Variants in LYZL4 observed in about 807,000 individuals in gnomAD.
LYZL4 encodes the protein lysozyme like 4.
LYZL4 carries 13 observed loss-of-function variants against 17.6 expected under a neutral mutation model. The ratio of observed to expected loss-of-function variants is 0.74; its 90% CI spans 0.48 to 1.18. The LOEUF (loss-of-function observed/expected upper bound fraction) is 1.18, where lower values mean the gene tolerates loss of function less well. Among genes scored for constraint, LYZL4 ranks in the 50% most tolerant of loss-of-function variants. The pLI, the probability that LYZL4 is intolerant of heterozygous loss-of-function variation, is 0.00. For missense variants in LYZL4, 174 were observed against 188.2 expected (o/e 0.92, Z 0.44); for synonymous variants, 64 against 67.7 (o/e 0.95, Z 0.27).
chr3:42,363,478 T>C, the LYZL4 span, among the ~76,000 whole-genome samples: 2 of 152,182 alleles, frequency 1.3e-5, no homozygotes, highest in Non-Finnish European at 1.5e-5. Flanking sequence ...ATAAATCAAA[T>C]ATAGACAGTG....
chr3:42,391,896 A>T, the LYZL4 span, among the ~76,000 whole-genome samples: 4 of 149,620 alleles, frequency 2.7e-5, no homozygotes, highest in Non-Finnish European at 5.9e-5. Flanking sequence ...TTTTTCTGAG[A>T]TGGAGTCTCA....
intron 4 of LYZL4, among the ~76,000 whole-genome samples, chr3:42,400,246 G>A (rs1348206112): frequency 6.6e-6 from 1 of 152,106 alleles, no homozygotes; most frequent in East Asian, 1.9e-4. Context: ...CAGAAACCTT[G>A]AGTTTGGACT....
chr3:42,407,627 T>A (rs1398094138), intron 1 of LYZL4: 1 of 191,818 alleles, frequency 5.2e-6, no homozygotes, highest in Non-Finnish European at 1.1e-5. Flanking sequence ...ATACAGATGC[T>A]CAAGACCTTT....
chr3:42,364,397 C>T, the LYZL4 span, among the ~76,000 whole-genome samples: 1 of 139,032 alleles, frequency 7.2e-6, no homozygotes, highest in African/African-American at 2.8e-5. Flanking sequence ...GGCTGGAGTG[C>T]AGTGGCACGA....
chr3:42,408,331 A>T (rs1019957798), intron 1 of LYZL4, among the ~76,000 whole-genome samples: 2 of 152,138 alleles, frequency 1.3e-5, no homozygotes, highest in Non-Finnish European at 2.9e-5. Context: ...CAGAATTCTC[A>T]TGGCACTCCC....
At chr3:42,374,115 G>T in the LYZL4 span, among the ~76,000 whole-genome samples, 2 of 152,146 alleles carry the variant, frequency 1.3e-5, no homozygotes, top group Admixed American at 6.5e-5. Flanking sequence ...TCTCAGTATT[G>T]CTATTTTAGC....
chr3:42,374,603 A>T, the LYZL4 span, among the ~76,000 whole-genome samples: 1 of 152,142 alleles, frequency 6.6e-6, no homozygotes, highest in Non-Finnish European at 1.5e-5. Context: ...CAGGATTTCT[A>T]GCTGTTTTTG....
chr3:42,393,186 G>A (rs1222051998), downstream of LYZL4, among the ~76,000 whole-genome samples: 3 of 152,128 alleles, frequency 2.0e-5, no homozygotes, highest in Non-Finnish European at 4.4e-5. Context: ...AAGTGTGCAG[G>A]GTTTGAAATA....
At chr3:42,392,068 C>T in the LYZL4 span, among the ~76,000 whole-genome samples, 2 of 152,072 alleles carry the variant, frequency 1.3e-5, no homozygotes, top group South Asian at 2.1e-4. Context: ...GACAGGGTTT[C>T]GCCATGTTGC....
At chr3:42,387,450 T>C in the LYZL4 span, among the ~76,000 whole-genome samples, 1 of 152,160 alleles carries the variant, frequency 6.6e-6, no homozygotes, top group Admixed American at 6.5e-5. Context: ...CAGTAACAGT[T>C]TGACTTCTGT....
the LYZL4 span, among the ~76,000 whole-genome samples, chr3:42,370,338 G>A: frequency 7.1e-6 from 1 of 141,584 alleles, no homozygotes; most frequent in East Asian, 2.1e-4. Flanking sequence ...TCTTTCTCCA[G>A]GACATGCCCT....
chr3:42,363,938 G>A, the LYZL4 span, among the ~76,000 whole-genome samples: 1 of 152,190 alleles, frequency 6.6e-6, no homozygotes. Context: ...GAAGGTATAG[G>A]AAAACAGCTC....
intron 3 of LYZL4, among the ~76,000 whole-genome samples, chr3:42,405,340 G>C (rs191372291): frequency 5.3e-5 from 8 of 152,148 alleles, no homozygotes; most frequent in Non-Finnish European, 1.2e-4. Flanking sequence ...GAGCCGCCGC[G>C]CCTGGCCGCT....
chr3:42,386,404 C>A, the LYZL4 span, among the ~76,000 whole-genome samples: 228 of 132,632 alleles, frequency 1.7e-3, 15 homozygotes, highest in Middle Eastern at 0.011. Flanking sequence ...CGCCCCCCCC[C>A]CCCCCCCCGC....
chr3:42,398,104 C>T (rs1276404321), intron 4 of LYZL4, among the ~76,000 whole-genome samples: 3 of 152,176 alleles, frequency 2.0e-5, no homozygotes, highest in African/African-American at 7.2e-5. Flanking sequence ...CTCATAGTTA[C>T]AGAGTGGCAG....
chr3:42,368,130 C>G, the LYZL4 span, among the ~76,000 whole-genome samples: 1 of 152,214 alleles, frequency 6.6e-6, no homozygotes. Context: ...GACACTCTTT[C>G]TTAACCATTA....
chr3:42,407,787 G>A lies in LYZL4; in HGVS notation c.-92-444C>T, dbSNP rs921180241. 1.3e-4 allele frequency among the ~76,000 whole-genome samples: 19 copies of A among 151,270 alleles called. No homozygotes were observed. In the South Asian group the frequency reaches 2.1e-3, roughly 17 times the overall value. On this transcript the variant is annotated intron_variant, in intron 1 of 4. Coordinates refer to ENST00000287748, the MANE Select transcript of LYZL4 (RefSeq NM_144634.4). The stretch of plus-strand genomic sequence containing the variant: ...AATTATGTCCATTACTGCCTCTTAT[G>A]CGTCTTATTCCCAGTTGTGTCTTTG...
At chr3:42,409,515 C>T (rs1156336543) in intron 1 of LYZL4, among the ~76,000 whole-genome samples, 1 of 152,218 alleles carries the variant, frequency 6.6e-6, no homozygotes, top group Non-Finnish European at 1.5e-5. Flanking sequence ...TCGTAGAAGG[C>T]ATACTGAGTC....
chr3:42,376,790 T>C, the LYZL4 span, among the ~76,000 whole-genome samples: 1 of 152,266 alleles, frequency 6.6e-6, no homozygotes, highest in South Asian at 2.1e-4. Context: ...CAAAAGAGAA[T>C]CCGGTTTCAA....
Sources: gnomAD v4.1 joint callset for allele counts (sites outside exome capture counted in the v4.1 genomes callset) on GRCh38, gnomAD v4.1.1 for gene constraint, MANE v1.5 for transcripts, NCBI Gene and HGNC (gene_info 2026-07-23, HGNC 2026-07-21) for gene names.